Variants in TMLHE observed in about 807,000 individuals in gnomAD.
TMLHE encodes trimethyllysine dioxygenase, mitochondrial.
A neutral mutation model predicts 25.7 loss-of-function variants in TMLHE; 18 were observed. That is an observed-to-expected ratio of 0.70 (90% CI 0.48 to 1.04). TMLHE has a LOEUF of 1.04. Ranked by LOEUF, TMLHE falls within the 50% of genes least tolerant of loss-of-function variation. TMLHE has a pLI of 0.00. For synonymous variants in TMLHE, 105 were observed against 97.0 expected, an observed-to-expected ratio of 1.08 and a Z score of -0.49; for missense variants, 236 against 259.0, an observed-to-expected ratio of 0.91 and a Z score of 0.61.
chrX:155,543,200 G>C (rs782664466), intron 2 of TMLHE, among the ~76,000 whole-genome samples: 39 of 110,832 alleles, frequency 3.5e-4, no homozygotes, highest in African/African-American at 1.1e-3. Context: ...GTCGTAGCCA[G>C]AGTAATTAGG....
rs782571651 is a variant in TMLHE, at chrX:155,513,974, CAAAT to C, written c.638+8_638+11del. 7 of 1,193,305 alleles carry C rather than the reference CAAAT, an allele frequency of 5.9e-6. No homozygotes were observed. The highest frequency in any genetic ancestry group is 2.3e-5 in the Admixed American group (1 of 44,265). ...TTATAATACTGTGGATTTTAGGAAA[CAAAT>C]GAATTACCTGATTAAGCTGATCCTT... On this transcript the variant is annotated splice_region_variant and intron_variant, in intron 4 of 7. Transcript: ENST00000334398.
chrX:155,559,896 T>C (rs1228502585), intron 1 of TMLHE, among the ~76,000 whole-genome samples: 1 of 112,437 alleles, frequency 8.9e-6, no homozygotes, highest in Non-Finnish European at 1.9e-5. Flanking sequence ...ACTTTCATCA[T>C]GCCATTCTCC....
At position 155,582,221 on chromosome X, in the gene TMLHE, C is replaced by G. The variant is rs782115883; in HGVS notation, c.-2+30571G>C. Among the ~76,000 whole-genome samples, 54 of 112,076 alleles carry G rather than the reference C, an allele frequency of 4.8e-4. 1 individual carries two copies. Among genetic ancestry groups the G allele is most frequent in the African/African-American group, 1.7e-3 (52 of 30,878 alleles). ...TGTTAGACCTGAAACCACAAAAACC[C>G]TAGAAGAAAACCTAGGCAATACCAT... On this transcript the variant is annotated intron_variant, in intron 1 of 7. Transcript: ENST00000334398.
intron 1 of TMLHE, among the ~76,000 whole-genome samples, chrX:155,580,735 T>C (rs1251750739): frequency 2.7e-5 from 3 of 111,319 alleles, no homozygotes; most frequent in African/African-American, 6.5e-5. Context: ...AAACTACTCT[T>C]TATAAAACCA....
intron 1 of TMLHE, among the ~76,000 whole-genome samples, chrX:155,558,198 T>C (rs781867312): frequency 3.6e-5 from 4 of 111,932 alleles, no homozygotes; most frequent in African/African-American, 9.7e-5. Flanking sequence ...AGATTTACCA[T>C]GTTCTTTCAT....
chrX:155,522,320 C>T (rs2067192959), intron 3 of TMLHE, among the ~76,000 whole-genome samples: 1 of 111,586 alleles, frequency 9.0e-6, no homozygotes, highest in African/African-American at 3.3e-5. Flanking sequence ...AGCTCTTCCC[C>T]TTCCTTGATG....
intron 1 of TMLHE, among the ~76,000 whole-genome samples, chrX:155,555,448 A>G (rs1213595715): frequency 3.6e-5 from 4 of 110,398 alleles, no homozygotes; most frequent in East Asian, 2.8e-4. Flanking sequence ...TTGAGGAATC[A>G]CCACACTGTC....
rs2067210243 is a variant in TMLHE, at chrX:155,524,934, T to C, written c.182-302A>G. On this transcript the variant is annotated intron_variant, in intron 2 of 7. Coordinates refer to ENST00000334398, the MANE Select transcript of TMLHE (RefSeq NM_018196.4). Reference sequence around the variant, plus strand: ...AAGTCATTGAGGAAAAAATGAATTTTTTAAATAAATGGTGTTGGGACAACT... The same window carrying C: ...AAGTCATTGAGGAAAAAATGAATTTCTTAAATAAATGGTGTTGGGACAACT... Among the ~76,000 whole-genome samples the C allele has an allele frequency of 5.4e-5, 6 of 112,077 alleles. No homozygotes were observed. In the Admixed American group the frequency reaches 5.7e-4, roughly 11 times the overall value.
At chrX:155,551,527 C>T (rs1216557334) in intron 1 of TMLHE, among the ~76,000 whole-genome samples, 1 of 109,808 alleles carries the variant, frequency 9.1e-6, no homozygotes, top group African/African-American at 3.4e-5. Flanking sequence ...TCTCCACAGC[C>T]TCTCCAGCAT....
intron 1 of TMLHE, among the ~76,000 whole-genome samples, chrX:155,590,082 G>A (rs782785705): frequency 9.1e-4 from 102 of 111,969 alleles, no homozygotes; most frequent in African/African-American, 3.2e-3. Context: ...TCCTTGGGCT[G>A]AAAGGAAATG....
At chrX:155,505,950 T>G (rs1557332612) in intron 6 of TMLHE, among the ~76,000 whole-genome samples, 1 of 111,332 alleles carries the variant, frequency 9.0e-6, no homozygotes, top group East Asian at 2.8e-4. Flanking sequence ...GTAAAAAGCT[T>G]GGCTGCAAGA....
At chrX:155,557,206 A>G (rs1278168838) in intron 1 of TMLHE, among the ~76,000 whole-genome samples, 1 of 112,334 alleles carries the variant, frequency 8.9e-6, no homozygotes, top group Non-Finnish European at 1.9e-5. Context: ...TCACAAGGGT[A>G]TTGATTGGGG....
In TMLHE at chrX:155,555,128, G is replaced by A. The variant is rs782754330; in HGVS notation, c.-1-9851C>T. Among the ~76,000 whole-genome samples, 13 of 109,775 alleles carry A rather than the reference G, an allele frequency of 1.2e-4. 2 individuals are homozygous for A. The highest frequency in any genetic ancestry group is 3.7e-4 in the African/African-American group (11 of 29,999). ...TTCCCACCTATGAGTGAGAACATGC[G>A]GTGTTGGTTTTCTGTCCTTTTGATA... is the stretch of plus-strand genomic sequence containing the variant. On this transcript the variant is annotated intron_variant, in intron 1 of 7. Transcript: ENST00000334398.
At chrX:155,512,281 AG>A (rs782207718) in intron 4 of TMLHE, among the ~76,000 whole-genome samples, 133 of 107,413 alleles carry the variant, frequency 1.2e-3, no homozygotes, top group African/African-American at 4.5e-3. Flanking sequence ...CTCATCATCT[AG>A]CATTAGGTAT....
chrX:155,606,203 A>T (rs1041570357), intron 1 of TMLHE, among the ~76,000 whole-genome samples: 1 of 111,393 alleles, frequency 9.0e-6, no homozygotes, highest in Non-Finnish European at 1.9e-5. Context: ...GCAGAAAACT[A>T]ACAAAGATAT....
At chrX:155,529,694 TTA>T (rs1416681505) in intron 2 of TMLHE, among the ~76,000 whole-genome samples, 1 of 112,342 alleles carries the variant, frequency 8.9e-6, no homozygotes, top group Non-Finnish European at 1.9e-5. Flanking sequence ...TTTAATTGGG[TTA>T]TATGTTTTGT....
intron 1 of TMLHE, among the ~76,000 whole-genome samples, chrX:155,547,401 C>A (rs1243824409): frequency 5.4e-5 from 6 of 111,280 alleles, no homozygotes; most frequent in Non-Finnish European, 1.1e-4. Flanking sequence ...CCTCAGCCTC[C>A]CAAAGTGCTG....
intron 2 of TMLHE, among the ~76,000 whole-genome samples, chrX:155,529,268 A>G (rs781925133): frequency 3.6e-4 from 40 of 111,946 alleles, no homozygotes; most frequent in Non-Finnish European, 6.2e-4. Context: ...TTTTAGAAAA[A>G]CACAGAGAGG....
At chrX:155,545,751 C>G (rs2067340620) in intron 1 of TMLHE, among the ~76,000 whole-genome samples, 1 of 111,236 alleles carries the variant, frequency 9.0e-6, no homozygotes, top group Admixed American at 9.5e-5. Flanking sequence ...TTACAATTGC[C>G]TACAGTATTC....
Sources: gnomAD v4.1 joint callset for allele counts (sites outside exome capture counted in the v4.1 genomes callset) on GRCh38, gnomAD v4.1.1 for gene constraint, MANE v1.5 for transcripts, NCBI Gene and HGNC (gene_info 2026-07-23, HGNC 2026-07-21) for gene names.